CCDC171: variants seen among roughly 807,000 people sequenced by gnomAD.
CCDC171 encodes coiled-coil domain containing 171.
A neutral mutation model predicts 168.2 loss-of-function variants in CCDC171; 177 were observed. The ratio of observed to expected loss-of-function variants is 1.05; its 90% confidence interval spans 0.93 to 1.19. The LOEUF is 1.19. Among genes scored for constraint, CCDC171 ranks in the 50% most tolerant of loss-of-function variants. The pLI is 0.00. For missense variants in CCDC171, 1,991 were observed against 1,539.0 expected (o/e 1.29, Z -4.91); for synonymous variants, 687 against 540.8 (o/e 1.27, Z -3.75).
At chr9:15,946,589 T>A (rs7040928) in intron 25 of CCDC171, among the ~76,000 whole-genome samples, 7,049 of 152,006 alleles carry the variant, frequency 0.046, 373 homozygotes, top group East Asian at 0.12. Flanking sequence ...AAAATGGCCA[T>A]ACTGCCCAAG....
At chr9:16,063,471 C>T (rs1586873341), downstream of CCDC171, among the ~76,000 whole-genome samples, 1 of 152,144 alleles carries the variant, frequency 6.6e-6, no homozygotes, top group African/African-American at 2.4e-5. Context: ...AATTCACTGT[C>T]TTCATTTTAA....
At chr9:15,865,849 C>CGTGTGTGTATGT (rs2061758583) in intron 23 of CCDC171, among the ~76,000 whole-genome samples, 1 of 147,462 alleles carries the variant, frequency 6.8e-6, no homozygotes, top group African/African-American at 2.5e-5. Flanking sequence ...ACTCTGCGTG[C>CGTGTGTGTATGT]GTGTGTGTGT....
intron 7 of CCDC171, among the ~76,000 whole-genome samples, chr9:15,649,901 A>G (rs149525517): frequency 1.3e-5 from 2 of 152,332 alleles, no homozygotes; most frequent in East Asian, 1.9e-4. Flanking sequence ...ATTACTGGGT[A>G]TACACCCAAA....
chr9:16,014,005 C>T (rs1328566327), intron 3 of CCDC171, among the ~76,000 whole-genome samples: 1 of 152,142 alleles, frequency 6.6e-6, no homozygotes, highest in Non-Finnish European at 1.5e-5. Flanking sequence ...AATAAGACAA[C>T]GAGGTTTGCC....
intron 21 of CCDC171, among the ~76,000 whole-genome samples, chr9:15,796,004 A>G (rs1490201053): frequency 6.6e-6 from 1 of 152,260 alleles, no homozygotes; most frequent in Non-Finnish European, 1.5e-5. Context: ...AAAAAATTCA[A>G]TATTTGATAA....
At chr9:15,935,383 C>T (rs1166085836) in intron 25 of CCDC171, among the ~76,000 whole-genome samples, 1 of 151,970 alleles carries the variant, frequency 6.6e-6, no homozygotes, top group East Asian at 1.9e-4. Context: ...GTTTTCCTGG[C>T]TGTAAAATGA....
rs2056317813 is a variant in CCDC171 at position 15,759,319 on chromosome 9, C to G, written c.2671+13688C>G. On this transcript the variant is annotated intron_variant, in intron 18 of 25. Transcript: ENST00000380701. ...TTGATAGTATGATGCTGTGTCACTC[C>G]CTCTTGTTTTAGTATGCATTTCAAA... Among the ~76,000 whole-genome samples, 6 of 152,124 alleles carry G rather than the reference C, an allele frequency of 3.9e-5. No homozygotes were observed. The South Asian group carries it at 1.0e-3, about 26-fold the overall frequency.
At chr9:15,908,162 C>T (rs1823009250) in intron 24 of CCDC171, among the ~76,000 whole-genome samples, 1 of 151,780 alleles carries the variant, frequency 6.6e-6, no homozygotes, top group South Asian at 2.1e-4. Flanking sequence ...TGGGTATATA[C>T]CCAAAGGACT....
chr9:15,557,160 G>A (rs562853095), intron 1 of CCDC171, among the ~76,000 whole-genome samples: 2 of 152,162 alleles, frequency 1.3e-5, no homozygotes, highest in East Asian at 3.8e-4. Context: ...AGTATAGTTT[G>A]AAGTCAGGTA....
chr9:16,085,202 C>G, the CCDC171 span, among the ~76,000 whole-genome samples: 6 of 152,230 alleles, frequency 3.9e-5, no homozygotes, highest in African/African-American at 7.2e-5. Context: ...CATAAATGAT[C>G]TTGTCCCATT....
chr9:15,747,696 G>A (rs1364769206), intron 18 of CCDC171, among the ~76,000 whole-genome samples: 1 of 152,182 alleles, frequency 6.6e-6, no homozygotes, highest in African/African-American at 2.4e-5. Context: ...GAAAGGAATA[G>A]CATCAACATC....
At chr9:15,921,514 C>T (rs1011652687) in intron 25 of CCDC171, among the ~76,000 whole-genome samples, 1 of 151,516 alleles carries the variant, frequency 6.6e-6, no homozygotes, top group Non-Finnish European at 1.5e-5. Flanking sequence ...AATGTAGGTT[C>T]CATAAAGAAA....
At chr9:15,887,932 T>G (rs1819650310) in intron 24 of CCDC171, 1 of 152,214 alleles carries the variant, frequency 6.6e-6, no homozygotes. Flanking sequence ...CCTAGTTCTT[T>G]GAGCCCCAGT....
At chr9:16,044,531 A>AT (rs1833624590) in intron 1 of CCDC171, among the ~76,000 whole-genome samples, 2 of 69,780 alleles carry the variant, frequency 2.9e-5, no homozygotes, top group Non-Finnish European at 4.0e-5. Flanking sequence ...GCTATTTAAT[A>AT]ATTTTTTTTT....
intron 6 of CCDC171, among the ~76,000 whole-genome samples, chr9:15,615,115 A>G (rs2043986006): frequency 6.6e-6 from 1 of 152,198 alleles, no homozygotes; most frequent in East Asian, 1.9e-4. Context: ...ATATGCAAAA[A>G]TATTATACAA....
chr9:15,906,556 A>G (rs1174174161), intron 24 of CCDC171, among the ~76,000 whole-genome samples: 3 of 152,236 alleles, frequency 2.0e-5, no homozygotes, highest in Non-Finnish European at 4.4e-5. Flanking sequence ...ACAAACCCAC[A>G]GCCAATATCA....
At chr9:15,752,835 C>A (rs1191005470) in intron 18 of CCDC171, among the ~76,000 whole-genome samples, 2 of 151,878 alleles carry the variant, frequency 1.3e-5, no homozygotes, top group Non-Finnish European at 2.9e-5. Flanking sequence ...CTCATATATA[C>A]CTATATAACA....
In CCDC171 at chr9:15,778,952, T is replaced by C. The variant is rs768126970; in HGVS notation, c.2899-16T>C. On this transcript the variant is annotated splice_polypyrimidine_tract_variant and intron_variant, in intron 19 of 25. Transcript: ENST00000380701. ...CTGTAGTTACTGTTTATAAAATTGC[T>C]CTTGTTTAACAACAGAAAAGCACAG... 6.9e-7 allele frequency: 1 copy of C among 1,451,932 alleles called. No individual in the cohort carries two copies. The highest frequency in any genetic ancestry group is 1.6e-5 in the South Asian group (1 of 61,016). 89.9% of individuals were successfully genotyped at this position (1,451,932 alleles called of 1,614,324 possible). A position where few individuals can be genotyped will look rare whatever the true frequency, so the allele number is the denominator to read the frequency against.
intron 18 of CCDC171, among the ~76,000 whole-genome samples, chr9:15,760,551 A>T (rs557605529): frequency 6.6e-6 from 1 of 152,300 alleles, no homozygotes; most frequent in African/African-American, 2.4e-5. Context: ...GGCTAATAAA[A>T]TTTCCTAGCT....
Sources: gnomAD v4.1 joint callset for allele counts (sites outside exome capture counted in the v4.1 genomes callset) on GRCh38, gnomAD v4.1.1 for gene constraint, MANE v1.5 for transcripts, NCBI Gene and HGNC (gene_info 2026-07-23, HGNC 2026-07-21) for gene names.